CMIP: variants seen among roughly 807,000 people sequenced by gnomAD.
CMIP encodes c-Maf inducing protein.
A neutral mutation model predicts 97.3 loss-of-function variants in CMIP; 13 were observed. That is an observed-to-expected ratio of 0.13 (90% CI 0.09 to 0.21). The LOEUF (loss-of-function observed/expected upper bound fraction) is 0.21, where lower values mean the gene tolerates loss of function less well. CMIP is among the 10% of genes least tolerant of loss of function. The pLI is 1.00. For missense variants in CMIP, 847 were observed against 1,024.9 expected (o/e 0.83, Z 2.37); for synonymous variants, 538 against 436.3 (o/e 1.23, Z -2.91).
At chr16:81,557,842 G>A (rs760391734) in intron 1 of CMIP, among the ~76,000 whole-genome samples, 15 of 152,102 alleles carry the variant, frequency 9.9e-5, no homozygotes, top group African/African-American at 1.4e-4. Context: ...CATACAGTTC[G>A]GTGGCATTAA....
chr16:81,681,887 C>T (rs527411221), intron 10 of CMIP, among the ~76,000 whole-genome samples: 1 of 152,188 alleles, frequency 6.6e-6, no homozygotes, highest in East Asian at 1.9e-4. Flanking sequence ...TTGGTGCTGG[C>T]CTAGCCTCTG....
At chr16:81,558,736 T>C (rs1400309974) in intron 1 of CMIP, among the ~76,000 whole-genome samples, 1 of 152,192 alleles carries the variant, frequency 6.6e-6, no homozygotes, top group Non-Finnish European at 1.5e-5. Context: ...TATTTGCTGC[T>C]TGGCACCCCA....
At chr16:81,576,498 G>A (rs1430053302) in intron 1 of CMIP, among the ~76,000 whole-genome samples, 7 of 152,154 alleles carry the variant, frequency 4.6e-5, no homozygotes, top group Non-Finnish European at 1.0e-4. Context: ...GGGAGGTTCA[G>A]TTGTACGTCT....
intron 1 of CMIP, among the ~76,000 whole-genome samples, chr16:81,497,300 C>G (rs1412629825): frequency 6.6e-6 from 1 of 152,136 alleles, no homozygotes; most frequent in Non-Finnish European, 1.5e-5. Context: ...GTTTTTCATA[C>G]CTTGTATTGG....
chr16:81,583,624 C>G (rs1298616740), intron 1 of CMIP, among the ~76,000 whole-genome samples: 1 of 152,154 alleles, frequency 6.6e-6, no homozygotes, highest in African/African-American at 2.4e-5. Context: ...ACTGTGTTTC[C>G]TCTCACTGTC....
intron 1 of CMIP, among the ~76,000 whole-genome samples, chr16:81,561,543 G>A (rs936396561): frequency 6.6e-6 from 1 of 152,156 alleles, no homozygotes; most frequent in Non-Finnish European, 1.5e-5. Flanking sequence ...ATAGAGTGAG[G>A]GGGAAGAGGG....
chr16:81,470,479 C>T (rs2150745830), intron 1 of CMIP, among the ~76,000 whole-genome samples: 1 of 152,314 alleles, frequency 6.6e-6, no homozygotes, highest in African/African-American at 2.4e-5. Flanking sequence ...GCTTTCTTTT[C>T]CCTTGGGTTG....
At chr16:81,677,233 C>A (rs935536114) in intron 9 of CMIP, among the ~76,000 whole-genome samples, 9 of 152,104 alleles carry the variant, frequency 5.9e-5, no homozygotes, top group African/African-American at 2.2e-4. Context: ...ACCTTGGAAG[C>A]CAACCTAGTT....
At chr16:81,549,880 A>G (rs945807912) in intron 1 of CMIP, among the ~76,000 whole-genome samples, 1 of 152,106 alleles carries the variant, frequency 6.6e-6, no homozygotes, top group African/African-American at 2.4e-5. Context: ...ATGTTTGTAC[A>G]TGTGTATTTG....
chr16:81,592,091 C>G (rs376968606), intron 1 of CMIP, among the ~76,000 whole-genome samples: 1 of 151,850 alleles, frequency 6.6e-6, no homozygotes. Flanking sequence ...CCCAAAGTGC[C>G]GGGATTACAG....
chr16:81,540,292 C>G (rs2090424213), intron 1 of CMIP, among the ~76,000 whole-genome samples: 2 of 152,170 alleles, frequency 1.3e-5, no homozygotes. Context: ...CCTGTGCCGC[C>G]TCTGATCCGT....
chr16:81,466,055 C>A (rs201567023), intron 1 of CMIP, among the ~76,000 whole-genome samples: 1 of 147,908 alleles, frequency 6.8e-6, no homozygotes, highest in Admixed American at 6.7e-5. Context: ...TTTTTTTTTA[C>A]TTTTTATTTT....
At chr16:81,703,434 A>G (rs1297166189) in intron 17 of CMIP, among the ~76,000 whole-genome samples, 1 of 152,054 alleles carries the variant, frequency 6.6e-6, no homozygotes, top group Admixed American at 6.6e-5. Context: ...GCTGCTGCCC[A>G]GGAGTGAGGC....
chr16:81,449,758 G>T (rs555117140), intron 1 of CMIP, among the ~76,000 whole-genome samples: 1 of 152,114 alleles, frequency 6.6e-6, no homozygotes, highest in Non-Finnish European at 1.5e-5. Flanking sequence ...ATTGGAGGTG[G>T]TGGAGGGGAG....
chr16:81,505,571 C>A (rs745460540), intron 1 of CMIP, among the ~76,000 whole-genome samples: 4 of 152,222 alleles, frequency 2.6e-5, no homozygotes, highest in African/African-American at 9.6e-5. Context: ...GTCTGTTTCC[C>A]CAGACTGTGA....
intron 9 of CMIP, among the ~76,000 whole-genome samples, chr16:81,677,808 A>C (rs1040730831): frequency 5.9e-5 from 9 of 152,208 alleles, no homozygotes; most frequent in Non-Finnish European, 8.8e-5. Context: ...GCAGGAGAGC[A>C]GAGTCCTGGA....
At chr16:81,486,601 G>A (rs1440017762) in intron 1 of CMIP, among the ~76,000 whole-genome samples, 1 of 152,190 alleles carries the variant, frequency 6.6e-6, no homozygotes, top group Non-Finnish European at 1.5e-5. Flanking sequence ...CAGAGTTTCC[G>A]GGTGTCCTCA....
At chr16:81,694,162 C>T (rs929908316) in intron 13 of CMIP, among the ~76,000 whole-genome samples, 5 of 152,160 alleles carry the variant, frequency 3.3e-5, no homozygotes, top group South Asian at 2.1e-4. Flanking sequence ...CCCAGTGTTG[C>T]GCGGCTGGTC....
In CMIP at chr16:81,476,196, G is replaced by A. The variant is rs182357211; in HGVS notation, c.300+30655G>A. On this transcript the variant is annotated intron_variant, in intron 1 of 20. Transcript: ENST00000537098. ...CAGTGCGTGTGGAAAACTGGGAACCGTTTGTGTTGGGTCCAGCATTTGCCA... is the reference window on the plus strand; with the variant it reads ...CAGTGCGTGTGGAAAACTGGGAACCATTTGTGTTGGGTCCAGCATTTGCCA... 2,515 of 1,305,242 alleles carry A rather than the reference G, an allele frequency of 1.9e-3. 13 individuals are homozygous for A. Among genetic ancestry groups the A allele is most frequent in the Non-Finnish European group, 2.4e-3 (2,190 of 901,962 alleles). 80.9% of individuals were successfully genotyped at this position (1,305,242 alleles called of 1,614,324 possible). A position where few individuals can be genotyped will look rare whatever the true frequency, so the allele number is the denominator to read the frequency against.
Sources: allele counts gnomAD v4.1 joint callset (sites outside exome capture counted in the v4.1 genomes callset), GRCh38; gene constraint gnomAD v4.1.1; transcripts MANE v1.5; gene names NCBI Gene and HGNC (gene_info 2026-07-23, HGNC 2026-07-21).